TLN2: variants seen among roughly 807,000 people sequenced by gnomAD.
The protein encoded by TLN2 is talin 2.
Under a neutral mutation model 294.7 loss-of-function variants are expected in TLN2, and 118 were observed. The ratio of observed to expected loss-of-function variants is 0.40; its 90% confidence interval spans 0.34 to 0.47. TLN2 has a LOEUF of 0.47. TLN2 is among the 20% of genes least tolerant of loss of function. The pLI, the probability that TLN2 is intolerant of heterozygous loss-of-function variation, is 0.84. For synonymous variants in TLN2, 1,431 were observed against 1,304.5 expected, an observed-to-expected ratio of 1.10 and a Z score of -2.09; for missense variants, 3,083 against 3,282.2, an observed-to-expected ratio of 0.94 and a Z score of 1.48.
At chr15:62,561,599 C>T (rs1160017078) in intron 1 of TLN2, 2 of 152,214 alleles carry the variant, frequency 1.3e-5, no homozygotes, top group South Asian at 2.1e-4. Flanking sequence ...GTCACAATTG[C>T]GAACATTTCC....
chr15:62,710,291 A>G (rs921176700), intron 21 of TLN2, among the ~76,000 whole-genome samples: 1 of 152,188 alleles, frequency 6.6e-6, no homozygotes, highest in Non-Finnish European at 1.5e-5. Context: ...TGTATTTAAG[A>G]AATTTTTCTC....
intron 12 of TLN2, among the ~76,000 whole-genome samples, chr15:62,692,111 G>A (rs927536105): frequency 3.3e-5 from 5 of 152,198 alleles, no homozygotes; most frequent in Non-Finnish European, 7.3e-5. Context: ...CCCTTTCATT[G>A]CTATTCTGGA....
chr15:62,505,457 G>A (rs2039565061), intron 1 of TLN2, among the ~76,000 whole-genome samples: 2 of 152,314 alleles, frequency 1.3e-5, no homozygotes, highest in East Asian at 1.9e-4. Flanking sequence ...TAGTAAGCAA[G>A]GAATCCTTCT....
intron 1 of TLN2, among the ~76,000 whole-genome samples, chr15:62,530,177 C>T (rs529185209): frequency 3.3e-5 from 5 of 151,952 alleles, no homozygotes; most frequent in Non-Finnish European, 5.9e-5. Context: ...GGTGACAGAG[C>T]GAGACTCTGT....
intron 23 of TLN2, among the ~76,000 whole-genome samples, 158 bp from the exon 24 acceptor site, chr15:62,717,418 G>T (rs1445282854): frequency 6.6e-6 from 1 of 152,192 alleles, no homozygotes; most frequent in East Asian, 1.9e-4. Flanking sequence ...ATAGCGTGTT[G>T]TAAGATTAGG....
intron 1 of TLN2, among the ~76,000 whole-genome samples, chr15:62,582,013 C>T (rs978355050): frequency 5.3e-5 from 8 of 150,396 alleles, no homozygotes; most frequent in Non-Finnish European, 1.0e-4. Flanking sequence ...CGCTGCACTC[C>T]AGCCTGGGCA....
At chr15:62,541,818 A>G (rs2041708107) in intron 1 of TLN2, among the ~76,000 whole-genome samples, 1 of 152,094 alleles carries the variant, frequency 6.6e-6, no homozygotes, top group East Asian at 1.9e-4. Flanking sequence ...TTACATGGAT[A>G]TTTATTGTAA....
chr15:62,495,202 C>T (rs2038954686), intron 1 of TLN2, among the ~76,000 whole-genome samples: 1 of 152,140 alleles, frequency 6.6e-6, no homozygotes, highest in Non-Finnish European at 1.5e-5. Context: ...TTTATCTAGT[C>T]ATTCATTTCT....
At chr15:62,596,004 G>A (rs372246116) in intron 2 of TLN2, among the ~76,000 whole-genome samples, 2 of 152,198 alleles carry the variant, frequency 1.3e-5, no homozygotes, top group South Asian at 2.1e-4. Context: ...GGCCAGGCGC[G>A]GTGGCTCACG....
chr15:62,785,900 A>G lies in TLN2; in HGVS notation c.5736+2010A>G, dbSNP rs896567081. On this transcript the variant is annotated intron_variant, in intron 45 of 58. Coordinates refer to ENST00000636159, the MANE Select transcript of TLN2 (RefSeq NM_015059.3). ...AAGTATAAAATAATGCCAAAACAGCAAGGAAAGAGAATGTGTTGCTAAAAG... is the reference window on the plus strand; with the variant it reads ...AAGTATAAAATAATGCCAAAACAGCGAGGAAAGAGAATGTGTTGCTAAAAG... Among the ~76,000 whole-genome samples, 4 of 152,334 alleles carry G rather than the reference A, an allele frequency of 2.6e-5. No homozygotes were observed. The South Asian group carries it at 8.3e-4, about 32-fold the overall frequency.
At chr15:62,648,958 G>A (rs947704858) in intron 4 of TLN2, among the ~76,000 whole-genome samples, 1 of 151,918 alleles carries the variant, frequency 6.6e-6, no homozygotes, top group Admixed American at 6.6e-5. Context: ...TGATCCTCTC[G>A]CCTCAGCCTC....
chr15:62,589,954 C>G (rs2045953970), intron 2 of TLN2, among the ~76,000 whole-genome samples, 192 bp downstream of exon 2: 1 of 152,052 alleles, frequency 6.6e-6, no homozygotes, highest in Admixed American at 6.5e-5. Flanking sequence ...CTCCTGGTAG[C>G]TTGGTGAGGT....
At chr15:62,811,748 C>T (rs1274617230) in intron 52 of TLN2, among the ~76,000 whole-genome samples, 2 of 152,056 alleles carry the variant, frequency 1.3e-5, no homozygotes, top group Non-Finnish European at 2.9e-5. Context: ...TGCGGTGGCT[C>T]ATGCCTGAAT....
intron 54 of TLN2, among the ~76,000 whole-genome samples, chr15:62,823,369 A>G (rs985550653): frequency 1.3e-5 from 2 of 152,168 alleles, no homozygotes; most frequent in Non-Finnish European, 2.9e-5. Context: ...AATAACAACA[A>G]TCTGCACCAA....
intron 1 of TLN2, among the ~76,000 whole-genome samples, chr15:62,486,452 G>GTTTTTTT (rs34975634): frequency 1.1e-4 from 10 of 93,288 alleles, no homozygotes; most frequent in South Asian, 3.2e-4. Context: ...CAGTTCCTTT[G>GTTTTTTT]TTTTTTTTTT....
chr15:62,465,329 A>C (rs929965170), intron 1 of TLN2, among the ~76,000 whole-genome samples: 3 of 151,918 alleles, frequency 2.0e-5, no homozygotes, highest in Non-Finnish European at 4.4e-5. Flanking sequence ...GGTGTGTGAT[A>C]ATGGGATTCC....
intron 19 of TLN2, among the ~76,000 whole-genome samples, chr15:62,706,631 T>A (rs777659045): frequency 2.0e-5 from 3 of 152,156 alleles, no homozygotes; most frequent in Non-Finnish European, 2.9e-5. Flanking sequence ...AAAGTAGAAA[T>A]CCAAAAGATA....
rs1173833278 is a variant in TLN2, at chr15:62,644,805, C to G, written c.-36-2470C>G. On this transcript the variant is annotated intron_variant, in intron 3 of 58. Transcript: ENST00000636159. ...TTTGGCTCTCGGGTCCATGTCATGG[C>G]TCTCTCTTGGCTTCAGTGGAATCTC... 1.5e-5 allele frequency: 5 copies of G among 343,326 alleles called. No individual in the cohort carries two copies. The East Asian group carries it at 2.3e-4, about 16-fold the overall frequency. The allele number at this position is 343,326 out of a possible 1,614,324, so 21.3% of individuals were successfully genotyped here. A position where few individuals can be genotyped will look rare whatever the true frequency, so the allele number is the denominator to read the frequency against.
chr15:62,397,363 T>A (rs994871036), intron 1 of TLN2, among the ~76,000 whole-genome samples: 1 of 152,192 alleles, frequency 6.6e-6, no homozygotes. Flanking sequence ...GCTCAAGTGA[T>A]CCTCCTGCCT....
Sources: gnomAD v4.1 joint callset for allele counts (sites outside exome capture counted in the v4.1 genomes callset) on GRCh38, gnomAD v4.1.1 for gene constraint, MANE v1.5 for transcripts, NCBI Gene and HGNC (gene_info 2026-07-23, HGNC 2026-07-21) for gene names.